The following DSCAML1 variants were observed in gnomAD, a reference collection of about 807,000 sequenced individuals.
DSCAML1 encodes the protein DS cell adhesion molecule like 1.
DSCAML1 carries 38 observed loss-of-function variants against 200.5 expected under a neutral mutation model. The observed-to-expected ratio is 0.19, with a 90% CI of 0.15 to 0.25. The LOEUF (loss-of-function observed/expected upper bound fraction) is 0.25. DSCAML1 is among the 10% of genes least tolerant of loss of function. The probability of loss-of-function intolerance (pLI) is 1.00; values close to 1 mark genes in which losing one functional copy is unlikely to be tolerated. For missense variants in DSCAML1, 2,223 were observed against 2,858.8 expected, an observed-to-expected ratio of 0.78 and a Z score of 5.07; for synonymous variants, 1,215 against 1,165.0, an observed-to-expected ratio of 1.04 and a Z score of -0.87.
At chr11:117,693,823 C>T (rs1244951650) in intron 3 of DSCAML1, among the ~76,000 whole-genome samples, 2 of 152,078 alleles carry the variant, frequency 1.3e-5, no homozygotes, top group African/African-American at 4.8e-5. Context: ...GTATATTTCT[C>T]AGCCTAGCCC....
At chr11:117,634,975 G>A (rs1049938169) in intron 3 of DSCAML1, among the ~76,000 whole-genome samples, 2 of 152,170 alleles carry the variant, frequency 1.3e-5, no homozygotes, top group African/African-American at 4.8e-5. Flanking sequence ...GCACGAGTGT[G>A]GCCACGCCAT....
chr11:117,486,706 G>A (rs1246532643), intron 11 of DSCAML1, among the ~76,000 whole-genome samples: 1 of 151,990 alleles, frequency 6.6e-6, no homozygotes, highest in African/African-American at 2.4e-5. Context: ...GGTGTTACTT[G>A]CCAGGTGATT....
intron 3 of DSCAML1, among the ~76,000 whole-genome samples, chr11:117,626,377 A>G (rs2052047447): frequency 1.3e-5 from 2 of 152,162 alleles, no homozygotes; most frequent in Non-Finnish European, 2.9e-5. Flanking sequence ...TGAGTAGCAA[A>G]TGTAGGCATT....
intron 3 of DSCAML1, among the ~76,000 whole-genome samples, chr11:117,556,132 C>T (rs554146729): frequency 5.3e-5 from 8 of 152,166 alleles, no homozygotes; most frequent in South Asian, 4.1e-4. Context: ...CTCAGAGGCG[C>T]GTTATGAGAA....
intron 3 of DSCAML1, among the ~76,000 whole-genome samples, chr11:117,615,329 C>T (rs2051790471): frequency 6.6e-6 from 1 of 152,204 alleles, no homozygotes; most frequent in Admixed American, 6.5e-5. Flanking sequence ...ACTCCTGAGC[C>T]TCTATCACAT....
At chr11:117,447,091 C>T (rs2048194877) in intron 20 of DSCAML1, among the ~76,000 whole-genome samples, 1 of 152,138 alleles carries the variant, frequency 6.6e-6, no homozygotes, top group Non-Finnish European at 1.5e-5. Flanking sequence ...GAGTTCGAGA[C>T]CAGCCTGGCC....
chr11:117,438,110 G>A (rs371650956), intron 24 of DSCAML1, 27 bp from the exon 25 acceptor site: 29 of 1,586,330 alleles, frequency 1.8e-5, no homozygotes, highest in Non-Finnish European at 2.4e-5. Flanking sequence ...TGATTCAGGT[G>A]GGGGCAGGGC....
intron 3 of DSCAML1, among the ~76,000 whole-genome samples, chr11:117,586,966 C>T (rs1486586481): frequency 2.0e-5 from 3 of 152,168 alleles, no homozygotes; most frequent in Non-Finnish European, 4.4e-5. Flanking sequence ...CAGGATGCTC[C>T]TCCATCACCT....
In DSCAML1 at chr11:117,437,882, GC is replaced by G; in HGVS notation, c.4432+12del. ...CCATCGCTCCTTCCCTGCCCCAGTG[GC>G]CTGGGCCTCACCCCGCCCGTGGGTC... On this transcript the variant is annotated intron_variant, in intron 25 of 32. Coordinates refer to ENST00000651296, the MANE Select transcript of DSCAML1 (RefSeq NM_020693.4). This position sits in a 1 kb window ranked among gnomAD's most constrained non-coding sequence, Gnocchi z 5.3. 6.3e-7 allele frequency: 1 copy of G among 1,597,106 alleles called. No individual in the cohort carries two copies. The highest frequency in any genetic ancestry group is 1.1e-5 in the South Asian group (1 of 89,226).
intron 3 of DSCAML1, among the ~76,000 whole-genome samples, chr11:117,587,018 C>G (rs1307019225): frequency 2.0e-5 from 3 of 152,154 alleles, no homozygotes; most frequent in Non-Finnish European, 4.4e-5. Context: ...ACAGACATAC[C>G]AACACGTCAG....
At chr11:117,777,882 C>T (rs1056274669) in intron 2 of DSCAML1, among the ~76,000 whole-genome samples, 14 of 152,212 alleles carry the variant, frequency 9.2e-5, no homozygotes, top group Non-Finnish European at 1.5e-4. Flanking sequence ...TCCCAGGCCT[C>T]GCTTGATCCT....
chr11:117,606,633 C>A (rs545299516), intron 3 of DSCAML1, among the ~76,000 whole-genome samples: 2 of 152,182 alleles, frequency 1.3e-5, no homozygotes, highest in Non-Finnish European at 2.9e-5. Flanking sequence ...GGGTTCCATC[C>A]GTCCTTCCAC....
At chr11:117,531,162 C>T (rs7927705) in intron 4 of DSCAML1, among the ~76,000 whole-genome samples, 3,672 of 152,222 alleles carry the variant, frequency 0.024, 129 homozygotes, top group African/African-American at 0.081. Flanking sequence ...CCTCGAGGAG[C>T]GCCTCTCTGT....
chr11:117,745,846 T>C (rs1252495592), intron 3 of DSCAML1, among the ~76,000 whole-genome samples: 2 of 152,162 alleles, frequency 1.3e-5, no homozygotes, highest in East Asian at 3.9e-4. Flanking sequence ...AACATGGAGA[T>C]AATAATAGCA....
At chr11:117,507,372 G>A (rs1231361060) in intron 8 of DSCAML1, among the ~76,000 whole-genome samples, 3 of 152,176 alleles carry the variant, frequency 2.0e-5, no homozygotes, top group African/African-American at 7.2e-5. Context: ...TGGGGGCAAA[G>A]ACGGATGGCA....
At chr11:117,537,439 A>AG (rs1436369657) in intron 3 of DSCAML1, among the ~76,000 whole-genome samples, 3 of 152,146 alleles carry the variant, frequency 2.0e-5, no homozygotes, top group Non-Finnish European at 2.9e-5. Context: ...AGCTGTACAA[A>AG]GGGGGGCTGG....
chr11:117,739,558 T>G (rs560790950), intron 3 of DSCAML1, among the ~76,000 whole-genome samples: 11 of 152,374 alleles, frequency 7.2e-5, no homozygotes, highest in Non-Finnish European at 1.3e-4. Context: ...TTATTTCATC[T>G]GTAGACAGCG....
At chr11:117,793,109 G>C (rs1162821315) in intron 1 of DSCAML1, among the ~76,000 whole-genome samples, 3 of 152,186 alleles carry the variant, frequency 2.0e-5, no homozygotes, top group Non-Finnish European at 4.4e-5. Context: ...ACTCACAGAG[G>C]GCACAGCTTT....
intron 11 of DSCAML1, among the ~76,000 whole-genome samples, chr11:117,490,618 G>A (rs1173134844): frequency 6.6e-6 from 1 of 152,240 alleles, no homozygotes; most frequent in East Asian, 1.9e-4. Flanking sequence ...TTCTTACTAA[G>A]GAGGTGGCCT....
Sources: allele counts gnomAD v4.1 joint callset (sites outside exome capture counted in the v4.1 genomes callset), GRCh38; gene constraint gnomAD v4.1.1; non-coding constraint Gnocchi (gnomAD v3.1); transcripts MANE v1.5; gene names NCBI Gene and HGNC (gene_info 2026-07-23, HGNC 2026-07-21).